RCC2: variants seen among roughly 807,000 people sequenced by gnomAD.
The protein encoded by RCC2 is regulator of chromosome condensation 2.
RCC2 carries 19 observed loss-of-function variants against 64.1 expected under a neutral mutation model. The observed-to-expected ratio is 0.30, with a 90% confidence interval of 0.21 to 0.44. The LOEUF (loss-of-function observed/expected upper bound fraction) is 0.44, where lower values mean the gene tolerates loss of function less well. Among genes scored for constraint, RCC2 ranks in the 20% least tolerant of loss-of-function variants. RCC2 has a pLI of 1.00. For missense variants in RCC2, 508 were observed against 710.4 expected (o/e 0.72, Z 3.24); for synonymous variants, 325 against 279.6 (o/e 1.16, Z -1.62).
chr1:17,420,435 G>A (rs1440119793), intron 7 of RCC2, among the ~76,000 whole-genome samples: 2 of 151,688 alleles, frequency 1.3e-5, no homozygotes, highest in Non-Finnish European at 2.9e-5. Context: ...TTTTAACTTT[G>A]AAATCCCTTT....
chr1:17,433,213 G>A (rs907902231), intron 2 of RCC2, among the ~76,000 whole-genome samples: 10 of 152,282 alleles, frequency 6.6e-5, no homozygotes, highest in African/African-American at 1.2e-4. Flanking sequence ...AGTGTATTTC[G>A]TTATTATTTA....
At chr1:17,433,868 C>G (rs1310506637) in intron 2 of RCC2, among the ~76,000 whole-genome samples, 1 of 152,102 alleles carries the variant, frequency 6.6e-6, no homozygotes, top group African/African-American at 2.4e-5. Context: ...ATGCCGGCAT[C>G]GACCAATTAC....
intron 10 of RCC2, 121 bp from the exon 11 acceptor site, chr1:17,412,315 C>G: frequency 1.2e-6 from 1 of 814,622 alleles, no homozygotes; most frequent in Middle Eastern, 2.4e-4. Flanking sequence ...TTCCAAGTAG[C>G]AAACACAATA....
chr1:17,431,721 C>T (rs1032419928), intron 2 of RCC2, among the ~76,000 whole-genome samples: 17 of 151,790 alleles, frequency 1.1e-4, no homozygotes, highest in African/African-American at 1.9e-4. Context: ...ATATAGGTTC[C>T]GTCACGCTTG....
chr1:17,406,805 AATATATAT>A lies in RCC2; in HGVS notation c.*2277_*2284del, dbSNP rs1470924789. The A allele has an allele frequency of 6.6e-6, 1 of 152,140 alleles. No individual in the cohort carries two copies. Among genetic ancestry groups the A allele is most frequent in the Non-Finnish European group, 1.5e-5 (1 of 68,026 alleles). 9.4% of individuals were successfully genotyped at this position (152,140 alleles called of 1,614,324 possible). ...TTTATTTAAAATGTTTACTCCAAGA[AATATATAT>A]ATAAAAAAAATAATAAGACAATTAC... On this transcript the variant is annotated 3_prime_UTR_variant, in exon 13 of 13. Coordinates refer to ENST00000375436, the MANE Select transcript of RCC2 (RefSeq NM_018715.4).
At chr1:17,433,528 G>A (rs2075705668) in intron 2 of RCC2, among the ~76,000 whole-genome samples, 1 of 152,146 alleles carries the variant, frequency 6.6e-6, no homozygotes, top group Non-Finnish European at 1.5e-5. Flanking sequence ...TGTTTTTTTG[G>A]ACGAACTCAG....
rs1553158435 is a variant in RCC2 at position 17,431,333 on chromosome 1, C to CAAAAAAAAATAAAAAAT, written c.286-2135_286-2134insATTTTTTATTTTTTTTT. Among the ~76,000 whole-genome samples, 22 of 9,668 alleles carry CAAAAAAAAATAAAAAAT rather than the reference C, an allele frequency of 2.3e-3. 2 individuals carry two copies. The highest frequency in any genetic ancestry group is 5.9e-3 in the South Asian group (1 of 170). The allele number at this position is 9,668 out of a possible 152,430, so 6.3% of individuals were successfully genotyped here. Reference sequence around the variant, plus strand: ...TGGGCGACTGAGCAAGACTCCATCTCAAAAAAAAAAAAAAAAAAAAAAAAA... The same window carrying CAAAAAAAAATAAAAAAT: ...TGGGCGACTGAGCAAGACTCCATCTCAAAAAAAAATAAAAAATAAAAAAAAAAAAAAAAAAAAAAAAA... On this transcript the variant is annotated intron_variant, in intron 2 of 12. Coordinates refer to ENST00000375436, the MANE Select transcript of RCC2 (RefSeq NM_018715.4).
rs763045409 is a variant in RCC2 at position 17,425,522 on chromosome 1, G to C, written c.523+19C>G. The C allele has an allele frequency of 8.2e-6, 13 of 1,585,984 alleles. No individual in the cohort carries two copies. Among genetic ancestry groups the C allele is most frequent in the Middle Eastern group, 3.7e-4 (2 of 5,368 alleles). ...TGGTGACAGTGGTCCCCAGTGCCCA[G>C]CACCCGCACGGTACTCACCCCAGCT... On this transcript the variant is annotated intron_variant, in intron 4 of 12. Coordinates refer to ENST00000375436, the MANE Select transcript of RCC2 (RefSeq NM_018715.4).
intron 2 of RCC2, among the ~76,000 whole-genome samples, chr1:17,437,895 G>A (rs1240271969): frequency 6.9e-6 from 1 of 145,646 alleles, no homozygotes; most frequent in South Asian, 2.1e-4. Context: ...GGGGCGGGGG[G>A]GGAGGGGCGC....
chr1:17,417,977 G>A (rs536267276), intron 7 of RCC2, among the ~76,000 whole-genome samples: 27 of 152,126 alleles, frequency 1.8e-4, no homozygotes, highest in South Asian at 1.0e-3. Flanking sequence ...ATCACATTAG[G>A]TACTGAAGTA....
At chr1:17,410,075 G>A (rs779021248) in intron 11 of RCC2, 24 bp from the exon 12 acceptor site, 95 of 1,607,214 alleles carry the variant, frequency 5.9e-5, no homozygotes, top group Non-Finnish European at 7.3e-5. Context: ...CAAGATGTTC[G>A]CAATCGAGGA....
intron 6 of RCC2, 101 bp from the exon 7 acceptor site, chr1:17,420,929 G>T (rs770189956): frequency 1.1e-4 from 81 of 737,776 alleles, no homozygotes; most frequent in Non-Finnish European, 1.6e-4. Flanking sequence ...GTTACAAACG[G>T]AAGTTTAATA....
chr1:17,424,768 G>A lies in RCC2; in HGVS notation c.523+773C>T, dbSNP rs906915543. ...CAAACGCCAATATGCCCCGCTGGAG[G>A]CAGAGGCCGGGAGTCACCAAAAGGG... On this transcript the variant is annotated intron_variant, in intron 4 of 12. Coordinates refer to ENST00000375436, the MANE Select transcript of RCC2 (RefSeq NM_018715.4). 5.3e-5 allele frequency among the ~76,000 whole-genome samples: 8 copies of A among 152,202 alleles called. No homozygotes were observed. In the South Asian group the frequency reaches 1.2e-3, roughly 24 times the overall value.
At chr1:17,434,878 G>A (rs991357733) in intron 2 of RCC2, among the ~76,000 whole-genome samples, 3 of 152,200 alleles carry the variant, frequency 2.0e-5, no homozygotes, top group African/African-American at 4.8e-5. Flanking sequence ...TTTGGGAGGC[G>A]GGCAAATCAC....
intron 4 of RCC2, 41 bp from the exon 5 acceptor site, chr1:17,422,877 G>A: frequency 6.2e-7 from 1 of 1,612,408 alleles, no homozygotes; most frequent in Non-Finnish European, 8.5e-7. Flanking sequence ...AGAGAGGGTG[G>A]TCCAGGCGGC....
chr1:17,422,547 G>GC (rs1298936003), intron 5 of RCC2, among the ~76,000 whole-genome samples, 158 bp downstream of exon 5: 1 of 152,130 alleles, frequency 6.6e-6, no homozygotes, highest in Non-Finnish European at 1.5e-5. Context: ...GGCTCCCAAT[G>GC]CCCTCAAGAA....
chr1:17,410,126 T>A, intron 11 of RCC2, 75 bp from the exon 12 acceptor site: 1 of 1,342,050 alleles, frequency 7.5e-7, no homozygotes, highest in South Asian at 1.2e-5. Flanking sequence ...CACGGCAACA[T>A]TTCCTGGCCC....
At chr1:17,413,770 A>C in intron 8 of RCC2, 53 bp from the exon 9 acceptor site, 1 of 1,503,468 alleles carries the variant, frequency 6.7e-7, no homozygotes, top group Non-Finnish European at 9.1e-7. Context: ...AACAGGCAAC[A>C]AGAGGGGTCA....
rs369388198 is a variant in RCC2, at chr1:17,412,088, C to A, written c.1386+34G>T. ...GGCCATGAGCCACCCTGACTGGCTT[C>A]CACTTCCCCTGACCCGCACAGGTGA... On this transcript the variant is annotated intron_variant, in intron 11 of 12. Coordinates refer to ENST00000375436, the MANE Select transcript of RCC2 (RefSeq NM_018715.4). 24 of 1,608,174 alleles carry A rather than the reference C, an allele frequency of 1.5e-5. No homozygotes were observed. In the African/African-American group the frequency reaches 3.2e-4, roughly 21 times the overall value.
Sources: gnomAD v4.1 joint callset for allele counts (sites outside exome capture counted in the v4.1 genomes callset) on GRCh38, gnomAD v4.1.1 for gene constraint, MANE v1.5 for transcripts, NCBI Gene and HGNC (gene_info 2026-07-23, HGNC 2026-07-21) for gene names.